Variants in CHD1L observed in about 807,000 individuals in gnomAD.
CHD1L encodes chromodomain helicase DNA binding protein 1 like.
A neutral mutation model predicts 115.9 loss-of-function variants in CHD1L; 118 were observed. The observed-to-expected ratio is 1.02, with a 90% CI of 0.88 to 1.19. The LOEUF (loss-of-function observed/expected upper bound fraction) is 1.19. Ranked by LOEUF, CHD1L falls within the 50% of genes most tolerant of loss-of-function variation. CHD1L has a pLI of 0.00. For missense variants in CHD1L, 1,179 were observed against 1,065.3 expected (o/e 1.11, Z -1.49); for synonymous variants, 411 against 387.1 (o/e 1.06, Z -0.72).
chr1:147,203,731 A>T, the CHD1L span: 1 of 1,535,700 alleles, frequency 6.5e-7, no homozygotes, highest in Non-Finnish European at 9.0e-7. Flanking sequence ...CCCTTGTAAG[A>T]ACTTTGAAAG....
the CHD1L span, chr1:147,201,538 G>A: frequency 9.1e-6 from 14 of 1,537,870 alleles, no homozygotes; most frequent in Non-Finnish European, 8.9e-7. Context: ...GTGGAGAAAT[G>A]AGAGAAAGAG....
At chr1:147,224,953 C>T in the CHD1L span, 75 of 1,614,082 alleles carry the variant, frequency 4.6e-5, 1 homozygote, top group South Asian at 7.7e-4. Flanking sequence ...AGGTTCCAAG[C>T]CTTCTTCTAC....
the CHD1L span, among the ~76,000 whole-genome samples, chr1:147,228,845 T>C: frequency 2.0e-5 from 3 of 152,210 alleles, no homozygotes; most frequent in Admixed American, 6.5e-5. Flanking sequence ...TGCCCACTTT[T>C]TGATGGGGTT....
At chr1:147,287,163 A>G (rs1342952808) in intron 18 of CHD1L, among the ~76,000 whole-genome samples, 3 of 152,212 alleles carry the variant, frequency 2.0e-5, no homozygotes, top group Non-Finnish European at 4.4e-5. Flanking sequence ...CGTGTAATAC[A>G]TGCTACCAAA....
chr1:147,237,773 A>T (rs1664630353), upstream of CHD1L, among the ~76,000 whole-genome samples: 1 of 152,208 alleles, frequency 6.6e-6, no homozygotes, highest in African/African-American at 2.4e-5. Context: ...CTGGTTGGAG[A>T]ACATAAAGAA....
chr1:147,272,185 C>G lies in CHD1L; in HGVS notation c.1174C>G (p.Arg392Gly). ...TCTCTGTAAAGGCTACAGCTATGAG[C>G]GTGTGGATGGTTCTGTGAGAGGAGA... ...YMDYRGYSYERVDGSVRGEER... is the reference protein window; with the variant it reads ...YMDYRGYSYEGVDGSVRGEER... Residue 392 changes from arginine (R) to glycine (G), a missense_variant, in exon 12 of 23, where the codon CGT (arginine) becomes GGT (glycine). By Grantham distance (125) the Arg-to-Gly change is moderately radical. Coordinates refer to ENST00000369258, the MANE Select transcript of CHD1L (RefSeq NM_004284.6). 2 of 1,613,328 alleles carry G rather than the reference C, an allele frequency of 1.2e-6. No individual in the cohort carries two copies. Among genetic ancestry groups the G allele is most frequent in the Non-Finnish European group, 8.5e-7 (1 of 1,179,378 alleles).
rs587709474 is a variant in CHD1L, at chr1:147,286,463, G to C, written c.2184G>C (p.Gln728His). 1 of 1,614,042 alleles carries C rather than the reference G, an allele frequency of 6.2e-7. No homozygotes were observed. Among genetic ancestry groups the C allele is most frequent in the South Asian group, 1.1e-5 (1 of 91,076 alleles). ...KYVSGDVTHP[Q>H]AGAEDALIVH... ...TTAGTGGTGATGTCACCCACCCTCA[G>C]GCTGGGGCCGAGGATGCTCTCATTG... Residue 728 changes from glutamine to histidine, a missense_variant, in exon 18 of 23, where the codon CAG becomes CAC. Physicochemically the swap from Gln to His is conservative, Grantham distance 24. Coordinates refer to ENST00000369258, the MANE Select transcript of CHD1L (RefSeq NM_004284.6).
the CHD1L span, among the ~76,000 whole-genome samples, chr1:147,176,720 T>G: frequency 1.3e-5 from 2 of 152,198 alleles, no homozygotes; most frequent in African/African-American, 2.4e-5. Context: ...TAACTATGAA[T>G]CTACTATGTA....
At chr1:147,258,572 G>A (rs997145883) in intron 5 of CHD1L, among the ~76,000 whole-genome samples, 1 of 152,016 alleles carries the variant, frequency 6.6e-6, no homozygotes, top group South Asian at 2.1e-4. Context: ...CTTCTCCTTC[G>A]ACTTCCTGCA....
At chr1:147,178,820 T>C in the CHD1L span, 1 of 1,603,692 alleles carries the variant, frequency 6.2e-7, no homozygotes, top group African/African-American at 1.3e-5. Context: ...AAAAAGTTTA[T>C]CCAGGAAAAC....
At chr1:147,280,245 C>T (rs1311715775) in intron 15 of CHD1L, 54 bp downstream of exon 15, 3 of 1,497,358 alleles carry the variant, frequency 2.0e-6, no homozygotes, top group Middle Eastern at 4.5e-4. Flanking sequence ...AGCTAGAGCT[C>T]ACGTCCCCAT....
the CHD1L span, chr1:147,212,338 T>C: frequency 6.3e-7 from 1 of 1,589,526 alleles, no homozygotes; most frequent in Non-Finnish European, 8.6e-7. Context: ...GCAGCTTCCT[T>C]GGAGAAACTG....
the CHD1L span, among the ~76,000 whole-genome samples, chr1:147,196,941 G>T: frequency 0.037 from 5,613 of 152,154 alleles, 117 homozygotes; most frequent in African/African-American, 0.047. Context: ...CTGTCTTACT[G>T]AGACTTTTAC....
chr1:147,252,738 G>A lies in CHD1L; in HGVS notation c.240+3G>A, dbSNP rs782579941. On this transcript the variant is annotated splice_donor_region_variant and intron_variant, in intron 2 of 22. Coordinates refer to ENST00000369258, the MANE Select transcript of CHD1L (RefSeq NM_004284.6). ...TGGGCCTGGGGAAGACCTGCCAGGT[G>A]TGTTACTATGCGACGAGTACTGCTC... The A allele has an allele frequency of 5.0e-6, 8 of 1,607,212 alleles. No individual in the cohort carries two copies. The highest frequency in any genetic ancestry group is 2.2e-5 in the South Asian group (2 of 90,790).
chr1:147,246,189 T>A (rs1266434464), intron 1 of CHD1L, among the ~76,000 whole-genome samples: 1 of 152,096 alleles, frequency 6.6e-6, no homozygotes, highest in African/African-American at 2.4e-5. Context: ...TCACTCAGAG[T>A]AATTCTCTGG....
chr1:147,212,569 G>C, the CHD1L span: 1 of 1,587,414 alleles, frequency 6.3e-7, no homozygotes, highest in South Asian at 1.1e-5. Flanking sequence ...ATTGGGTAAT[G>C]GTTTACATGA....
chr1:147,286,174 C>T, intron 17 of CHD1L, 124 bp from the exon 18 acceptor site: 1 of 905,742 alleles, frequency 1.1e-6, no homozygotes, highest in Non-Finnish European at 1.6e-6. Flanking sequence ...AAACTTCAAT[C>T]AGGGTGAGTT....
At position 147,247,485 on chromosome 1, in the gene CHD1L, G is replaced by C. The variant is rs587742119; in HGVS notation, c.127+4655G>C. The stretch of plus-strand genomic sequence containing the variant: ...CTTCCTCTCTCACCATGTGATCTCT[G>C]TACATGCCACCCCCACTTCCCCTTC... On this transcript the variant is annotated intron_variant, in intron 1 of 22. Coordinates refer to ENST00000369258, the MANE Select transcript of CHD1L (RefSeq NM_004284.6). Among the ~76,000 whole-genome samples, 11 of 152,192 alleles carry C rather than the reference G, an allele frequency of 7.2e-5. No individual in the cohort carries two copies. The East Asian group carries it at 2.1e-3, about 29-fold the overall frequency.
intron 22 of CHD1L, among the ~76,000 whole-genome samples, chr1:147,294,860 T>C (rs1034427229): frequency 6.6e-6 from 1 of 152,222 alleles, no homozygotes; most frequent in Non-Finnish European, 1.5e-5. Flanking sequence ...GGCTTAATTC[T>C]AAGAACTTCA....
Sources: gnomAD v4.1 joint callset for allele counts (sites outside exome capture counted in the v4.1 genomes callset) on GRCh38, gnomAD v4.1.1 for gene constraint, MANE v1.5 for transcripts, NCBI Gene and HGNC (gene_info 2026-07-23, HGNC 2026-07-21) for gene names.